Variants in COL4A2 observed in about 807,000 individuals in gnomAD.
COL4A2 encodes collagen alpha-2(IV) chain.
Under a neutral mutation model 200.2 loss-of-function variants are expected in COL4A2, and 99 were observed. The observed-to-expected ratio is 0.49, with a 90% CI of 0.42 to 0.58. COL4A2 has a LOEUF of 0.58. COL4A2 is among the 20% of genes least tolerant of loss of function. COL4A2 has a pLI of 0.00. For synonymous variants in COL4A2, 897 were observed against 900.6 expected (o/e 1.00, Z 0.07); for missense variants, 1,950 against 2,314.1 (o/e 0.84, Z 3.23).
At chr13:110,457,693 G>A (rs1881825784) in intron 21 of COL4A2, 2 of 629,886 alleles carry the variant, frequency 3.2e-6, no homozygotes, top group Non-Finnish European at 6.1e-6. Context: ...CTTCCTAGCA[G>A]CAGTGAGCCT....
chr13:110,456,496 C>T, intron 20 of COL4A2: 1 of 324,560 alleles, frequency 3.1e-6, no homozygotes. Context: ...TTTCTTTGGA[C>T]TCAATGTTTC....
At chr13:110,335,144 A>G (rs1876118311) in intron 3 of COL4A2, among the ~76,000 whole-genome samples, 4 of 151,988 alleles carry the variant, frequency 2.6e-5, no homozygotes, top group Non-Finnish European at 5.9e-5. Flanking sequence ...ACATTCATGG[A>G]TCCTGTTCAT....
intron 4 of COL4A2, among the ~76,000 whole-genome samples, chr13:110,413,388 G>C (rs184162380): frequency 6.6e-6 from 1 of 152,208 alleles, no homozygotes; most frequent in Non-Finnish European, 1.5e-5. Flanking sequence ...TGGGTACAGA[G>C]ATGTAGTATG....
chr13:110,443,746 G>A (rs780040098), intron 16 of COL4A2, among the ~76,000 whole-genome samples: 7 of 152,166 alleles, frequency 4.6e-5, no homozygotes, highest in South Asian at 4.2e-4. Context: ...GCCTGGAAGC[G>A]GGGTCTCAGG....
intron 4 of COL4A2, among the ~76,000 whole-genome samples, chr13:110,400,598 G>A (rs1879337851): frequency 3.3e-5 from 5 of 152,118 alleles, no homozygotes; most frequent in Admixed American, 3.3e-4. Context: ...AAATTACTAT[G>A]ATGACTATTA....
chr13:110,376,470 C>A (rs1327552923), intron 4 of COL4A2, among the ~76,000 whole-genome samples: 6 of 151,534 alleles, frequency 4.0e-5, no homozygotes, highest in Admixed American at 2.0e-4. Context: ...AATCATTAGC[C>A]CCCCCACCCA....
intron 4 of COL4A2, among the ~76,000 whole-genome samples, 164 bp downstream of exon 4, chr13:110,357,716 C>T (rs909501438): frequency 2.6e-5 from 4 of 152,222 alleles, no homozygotes; most frequent in Admixed American, 6.5e-5. Context: ...CTACTACACA[C>T]CCGGCTGTGT....
Position 110,307,567 on chromosome 13 carries a change from G to T in COL4A2, c.-45+39G>T. ...CCGAGCGGCGCCCAGACCCTGGCCC[G>T]AGAGCACCGACTTGGAGCGCCTTGT... On this transcript the variant is annotated intron_variant, in intron 1 of 47. Coordinates refer to ENST00000360467, the MANE Select transcript of COL4A2 (RefSeq NM_001846.4). The surrounding 1 kb of genome is among the most constrained non-coding windows in gnomAD (Gnocchi z 5.0). 1 of 351,290 alleles carries T rather than the reference G, an allele frequency of 2.8e-6. No individual in the cohort carries two copies. The highest frequency in any genetic ancestry group is 5.1e-6 in the Non-Finnish European group (1 of 195,470). 21.8% of individuals were successfully genotyped at this position (351,290 alleles called of 1,614,324 possible).
intron 4 of COL4A2, among the ~76,000 whole-genome samples, chr13:110,375,132 G>C (rs368516983): frequency 6.6e-6 from 1 of 152,142 alleles, no homozygotes; most frequent in Non-Finnish European, 1.5e-5. Context: ...GATACTTCTC[G>C]CCATTCAGGT....
At chr13:110,322,955 C>T (rs568239959) in intron 3 of COL4A2, among the ~76,000 whole-genome samples, 12 of 152,314 alleles carry the variant, frequency 7.9e-5, no homozygotes, top group African/African-American at 2.6e-4. Flanking sequence ...AGCGGGAGGG[C>T]GGATGCCCAG....
chr13:110,466,958 T>G (rs1882264719), intron 26 of COL4A2, 82 bp from the exon 27 acceptor site: 3 of 1,578,648 alleles, frequency 1.9e-6, no homozygotes, highest in Non-Finnish European at 8.7e-7. Flanking sequence ...CAGCTCGTGC[T>G]TTTGCCCTTG....
intron 3 of COL4A2, among the ~76,000 whole-genome samples, chr13:110,316,487 C>G (rs534828127): frequency 2.6e-5 from 4 of 152,230 alleles, no homozygotes; most frequent in Non-Finnish European, 5.9e-5. Flanking sequence ...CTGTCCTCCC[C>G]GCCTTCCAGT....
intron 29 of COL4A2, among the ~76,000 whole-genome samples, chr13:110,476,207 G>T (rs1882697475): frequency 7.8e-6 from 1 of 128,178 alleles, no homozygotes; most frequent in Non-Finnish European, 1.8e-5. Flanking sequence ...GCAGGAGTGG[G>T]GTGGACCTGC....
At chr13:110,313,216 C>G (rs181293733) in intron 3 of COL4A2, among the ~76,000 whole-genome samples, 2 of 152,308 alleles carry the variant, frequency 1.3e-5, no homozygotes, top group African/African-American at 2.4e-5. Flanking sequence ...CTTGCTGTTT[C>G]CCTCTGGTGC....
At chr13:110,428,418 A>T (rs1880547101) in intron 6 of COL4A2, 49 bp from the exon 7 acceptor site, 2 of 1,110,358 alleles carry the variant, frequency 1.8e-6, no homozygotes, top group African/African-American at 3.2e-5. Context: ...GTTACATGAC[A>T]ACTAGAAGCC....
chr13:110,442,824 TAACTC>T (rs1881179248), intron 16 of COL4A2, among the ~76,000 whole-genome samples: 1 of 152,012 alleles, frequency 6.6e-6, no homozygotes, highest in African/African-American at 2.4e-5. Context: ...AATTTTGAAA[TAACTC>T]CACAGAGTTA....
intron 14 of COL4A2, 58 bp downstream of exon 14, chr13:110,438,095 G>C (rs1880966273): frequency 1.4e-6 from 2 of 1,480,062 alleles, no homozygotes; most frequent in African/African-American, 2.8e-5. Flanking sequence ...TCGGCGCTCT[G>C]CCAGGCATGA....
intron 24 of COL4A2, among the ~76,000 whole-genome samples, chr13:110,462,625 C>T (rs1882073495): frequency 6.6e-6 from 1 of 152,190 alleles, no homozygotes; most frequent in African/African-American, 2.4e-5. Flanking sequence ...AGAAATATTC[C>T]TCCTGGTGTA....
chr13:110,446,667 T>C, intron 17 of COL4A2, 131 bp from the exon 18 acceptor site: 4 of 707,032 alleles, frequency 5.7e-6, no homozygotes, highest in Non-Finnish European at 7.1e-6. Context: ...CTGTCTGTGG[T>C]TCCACTGGTT....
Sources: gnomAD v4.1 joint callset for allele counts (sites outside exome capture counted in the v4.1 genomes callset) on GRCh38, gnomAD v4.1.1 for gene constraint, Gnocchi (gnomAD v3.1) non-coding constraint, MANE v1.5 for transcripts, NCBI Gene and HGNC (gene_info 2026-07-23, HGNC 2026-07-21) for gene names.